Variants in ASIC2 observed in about 807,000 individuals in gnomAD.
ASIC2 encodes acid-sensing ion channel 2.
In ASIC2, 25 loss-of-function variants were observed where a neutral mutation model predicts 57.3. The observed-to-expected ratio is 0.44, with a 90% CI of 0.32 to 0.61. The LOEUF is 0.61. Among genes scored for constraint, ASIC2 ranks in the 20% least tolerant of loss-of-function variants. ASIC2 has a pLI of 0.06. For missense variants in ASIC2, 641 were observed against 738.1 expected, an observed-to-expected ratio of 0.87 and a Z score of 1.52; for synonymous variants, 319 against 307.5, an observed-to-expected ratio of 1.04 and a Z score of -0.39.
intron 1 of ASIC2, among the ~76,000 whole-genome samples, chr17:33,588,294 A>G (rs1417089031): frequency 6.6e-6 from 1 of 152,158 alleles, no homozygotes; most frequent in African/African-American, 2.4e-5. Flanking sequence ...AGATACCTAG[A>G]TTCCAGTTCT....
chr17:33,402,159 A>G (rs1036781850), intron 1 of ASIC2, among the ~76,000 whole-genome samples: 2 of 152,182 alleles, frequency 1.3e-5, no homozygotes, highest in Non-Finnish European at 2.9e-5. Context: ...CTGAGGGGTT[A>G]GATCTGAGGG....
chr17:34,101,866 G>A (rs544532180), intron 1 of ASIC2, among the ~76,000 whole-genome samples: 1 of 152,200 alleles, frequency 6.6e-6, no homozygotes, highest in South Asian at 2.1e-4. Context: ...GTATCACCTG[G>A]CTCCAACAAT....
chr17:33,416,782 A>C (rs140592191), intron 1 of ASIC2, among the ~76,000 whole-genome samples: 1 of 152,318 alleles, frequency 6.6e-6, no homozygotes, highest in East Asian at 1.9e-4. Context: ...CGAGTGGAAT[A>C]ACAAGTCCCC....
At chr17:33,837,089 G>T (rs1913296863) in intron 1 of ASIC2, among the ~76,000 whole-genome samples, 1 of 152,152 alleles carries the variant, frequency 6.6e-6, no homozygotes, top group Non-Finnish European at 1.5e-5. Flanking sequence ...AGATCAATGG[G>T]CTTTGGCTTA....
At chr17:33,712,731 C>T (rs1354264619) in intron 1 of ASIC2, among the ~76,000 whole-genome samples, 6 of 146,500 alleles carry the variant, frequency 4.1e-5, no homozygotes, top group South Asian at 4.5e-4. Flanking sequence ...CTGCAAGCTC[C>T]GCCTCCCGGG....
At chr17:33,215,725 G>C (rs111828283) in intron 1 of ASIC2, among the ~76,000 whole-genome samples, 1 of 145,640 alleles carries the variant, frequency 6.9e-6, no homozygotes, top group African/African-American at 2.5e-5. Flanking sequence ...TTTTTGAGAC[G>C]GAGTCTCGCT....
intron 1 of ASIC2, among the ~76,000 whole-genome samples, chr17:33,632,707 C>G (rs1370776358): frequency 2.0e-5 from 3 of 152,218 alleles, no homozygotes; most frequent in Admixed American, 2.0e-4. Flanking sequence ...GCAAAGATTA[C>G]AGATGTGAAC....
chr17:33,902,763 G>A (rs1415844891), intron 1 of ASIC2, among the ~76,000 whole-genome samples: 2 of 152,126 alleles, frequency 1.3e-5, no homozygotes, highest in East Asian at 3.9e-4. Flanking sequence ...TTTTTAGGGT[G>A]GAACCCCTAA....
intron 1 of ASIC2, among the ~76,000 whole-genome samples, chr17:33,962,739 G>A (rs930206692): frequency 1.3e-5 from 2 of 152,144 alleles, no homozygotes; most frequent in African/African-American, 4.8e-5. Flanking sequence ...AAGTGCCTAT[G>A]AAAAATGTGC....
intron 1 of ASIC2, among the ~76,000 whole-genome samples, chr17:33,632,068 C>A (rs1056088547): frequency 6.6e-6 from 1 of 152,126 alleles, no homozygotes; most frequent in African/African-American, 2.4e-5. Flanking sequence ...GAACTGGGTT[C>A]AATTCCTGGT....
intron 1 of ASIC2, among the ~76,000 whole-genome samples, chr17:33,167,103 G>A (rs1212923405): frequency 6.6e-6 from 1 of 152,150 alleles, no homozygotes; most frequent in Non-Finnish European, 1.5e-5. Context: ...CTGATCATAT[G>A]TTCCAAACCC....
At chr17:33,442,391 G>A (rs933065084) in intron 1 of ASIC2, among the ~76,000 whole-genome samples, 1 of 152,132 alleles carries the variant, frequency 6.6e-6, no homozygotes, top group Non-Finnish European at 1.5e-5. Flanking sequence ...TTTAATTCAT[G>A]AGCATGAACT....
chr17:33,712,064 G>T (rs1909053320), intron 1 of ASIC2, among the ~76,000 whole-genome samples: 1 of 152,160 alleles, frequency 6.6e-6, no homozygotes, highest in Non-Finnish European at 1.5e-5. Flanking sequence ...GATGGAGAAA[G>T]GAATTCCCAA....
At chr17:33,778,686 T>C (rs754444540) in intron 1 of ASIC2, among the ~76,000 whole-genome samples, 3 of 152,156 alleles carry the variant, frequency 2.0e-5, no homozygotes, top group Non-Finnish European at 2.9e-5. Flanking sequence ...CTGGGTAGCA[T>C]TGGGCAAGTG....
At chr17:33,204,581 G>C (rs1451960804) in intron 1 of ASIC2, among the ~76,000 whole-genome samples, 16 of 152,142 alleles carry the variant, frequency 1.1e-4, no homozygotes, top group Non-Finnish European at 2.4e-4. Flanking sequence ...ACTCTACCCA[G>C]ACTCCAAAAG....
chr17:33,411,466 A>T (rs4794948), intron 1 of ASIC2, among the ~76,000 whole-genome samples: 35,277 of 152,120 alleles, frequency 0.23, 4,674 homozygotes, highest in East Asian at 0.66. Flanking sequence ...GAGAGTTTTC[A>T]AACAGCCTCC....
chr17:33,880,882 T>A (rs1914681954), intron 1 of ASIC2, among the ~76,000 whole-genome samples: 1 of 152,098 alleles, frequency 6.6e-6, no homozygotes, highest in Admixed American at 6.6e-5. Flanking sequence ...GCAAACCGAA[T>A]CCAGCAGCAC....
chr17:33,631,168 G>A (rs1906155660), intron 1 of ASIC2, among the ~76,000 whole-genome samples: 1 of 152,184 alleles, frequency 6.6e-6, no homozygotes, highest in Non-Finnish European at 1.5e-5. Context: ...CAACGTACAG[G>A]TCAAGCAATG....
At chr17:33,199,613 C>T (rs1045188539) in intron 1 of ASIC2, among the ~76,000 whole-genome samples, 1 of 152,182 alleles carries the variant, frequency 6.6e-6, no homozygotes, top group African/African-American at 2.4e-5. Flanking sequence ...ACATTTTAAG[C>T]TCCTTTCCCC....
Sources: allele counts gnomAD v4.1 joint callset (sites outside exome capture counted in the v4.1 genomes callset), GRCh38; gene constraint gnomAD v4.1.1; transcripts MANE v1.5; gene names NCBI Gene and HGNC (gene_info 2026-07-23, HGNC 2026-07-21).